GALNT18: variants seen among roughly 807,000 people sequenced by gnomAD.
GALNT18 encodes polypeptide N-acetylgalactosaminyltransferase 18, also known as GalNAc-transferase 18.
In GALNT18, 44 loss-of-function variants were observed where a neutral mutation model predicts 69.5. The observed-to-expected ratio is 0.63, with a 90% confidence interval of 0.50 to 0.81. The LOEUF (loss-of-function observed/expected upper bound fraction) is 0.81, where lower values mean the gene tolerates loss of function less well. Ranked by LOEUF, GALNT18 falls within the 40% of genes least tolerant of loss-of-function variation. The probability of loss-of-function intolerance (pLI) is 0.00; values close to 1 mark genes in which losing one functional copy is unlikely to be tolerated. For synonymous variants in GALNT18, 364 were observed against 318.2 expected, an observed-to-expected ratio of 1.14 and a Z score of -1.53; for missense variants, 715 against 810.0, an observed-to-expected ratio of 0.88 and a Z score of 1.42.
In GALNT18 at chr11:11,587,825, C is replaced by A. The variant is rs1287080568; in HGVS notation, c.235+33534G>T. Among the ~76,000 whole-genome samples, 2 of 151,778 alleles carry A rather than the reference C, an allele frequency of 1.3e-5. No individual in the cohort carries two copies. The highest frequency in any genetic ancestry group is 2.9e-5 in the Non-Finnish European group (2 of 67,966). ...AGCCCCCACCCTTTCATTTCATGAA[C>A]CTCTTCTATGGTCCAAAGAATAATA... On this transcript the variant is annotated intron_variant, in intron 1 of 10. Coordinates refer to ENST00000227756, the MANE Select transcript of GALNT18 (RefSeq NM_198516.3). This position sits in a 1 kb window ranked among gnomAD's most constrained non-coding sequence, Gnocchi z 4.4.
chr11:11,295,636 G>A (rs752443978), intron 9 of GALNT18, among the ~76,000 whole-genome samples: 4 of 152,064 alleles, frequency 2.6e-5, no homozygotes, highest in Non-Finnish European at 4.4e-5. Flanking sequence ...TCTCAGGGTG[G>A]AGGGAGGTGG....
chr11:11,458,438 T>G lies in GALNT18; in HGVS notation c.236-9502A>C, dbSNP rs551736152. On this transcript the variant is annotated intron_variant, in intron 1 of 10. Transcript: ENST00000227756. ...TTTCTTCCACTCCTGCAGTGCATTG[T>G]TGCATGCTTTATTTTGGGTTAAAAA... Among the ~76,000 whole-genome samples the G allele has an allele frequency of 9.1e-4, 139 of 152,368 alleles. 2 individuals are homozygous for G. Among genetic ancestry groups the G allele is most frequent in the South Asian group, 5.0e-3 (24 of 4,824 alleles).
chr11:11,449,467 C>T (rs115652167), intron 1 of GALNT18, among the ~76,000 whole-genome samples: 51 of 152,362 alleles, frequency 3.3e-4, no homozygotes, highest in African/African-American at 1.2e-3. Flanking sequence ...ACCTGGCTGT[C>T]AGCACCCCGG....
chr11:11,378,832 T>A (rs559233496), intron 4 of GALNT18, among the ~76,000 whole-genome samples: 1 of 152,268 alleles, frequency 6.6e-6, no homozygotes, highest in East Asian at 1.9e-4. Context: ...TCACATGTGA[T>A]GTCACCATGC....
At chr11:11,514,034 T>C (rs996814135) in intron 1 of GALNT18, among the ~76,000 whole-genome samples, 2 of 152,206 alleles carry the variant, frequency 1.3e-5, no homozygotes, top group African/African-American at 4.8e-5. Flanking sequence ...ACCCTGTTGC[T>C]GTGAGATGCC....
chr11:11,448,796 G>A lies in GALNT18; in HGVS notation c.376C>T (p.Leu126Phe). 6.2e-7 allele frequency: 1 copy of A among 1,612,998 alleles called. No homozygotes were observed. Among genetic ancestry groups the A allele is most frequent in the Non-Finnish European group, 8.5e-7 (1 of 1,179,824 alleles). The change falls in exon 2 of 11, where the codon CTC becomes TTC. Residue 126 changes from leucine (L) to phenylalanine (F), a missense_variant. Leu to Phe is a conservative substitution (Grantham distance 22, BLOSUM62 0). Transcript: ENST00000227756. ...CGGTCCAGGGGCAGGCGGTCGCTGAGGTAGGCGTTGTAGCCGTAGTACTGG... is the reference window on the plus strand; with the variant it reads ...CGGTCCAGGGGCAGGCGGTCGCTGAAGTAGGCGTTGTAGCCGTAGTACTGG... ...QFQYYGYNAY[L>F]SDRLPLDRPL...
intron 1 of GALNT18, among the ~76,000 whole-genome samples, chr11:11,585,395 GC>G (rs1161872545): frequency 7.8e-6 from 1 of 128,254 alleles, no homozygotes; most frequent in African/African-American, 2.9e-5. Flanking sequence ...TGCTCTTATT[GC>G]CCAGGCTGGA....
intron 1 of GALNT18, among the ~76,000 whole-genome samples, chr11:11,482,568 G>A (rs918639725): frequency 6.6e-6 from 1 of 152,228 alleles, no homozygotes; most frequent in Admixed American, 6.5e-5. Flanking sequence ...CAGAAGCCAT[G>A]AGGACAGTCA....
intron 10 of GALNT18, 40 bp downstream of exon 10, chr11:11,292,989 C>T: frequency 7.5e-7 from 1 of 1,338,774 alleles, no homozygotes; most frequent in South Asian, 2.5e-5. Flanking sequence ...CCTGGTTTTC[C>T]ACGATGGCTG....
intron 5 of GALNT18, among the ~76,000 whole-genome samples, chr11:11,375,596 G>C (rs533369616): frequency 5.1e-4 from 78 of 152,312 alleles, no homozygotes; most frequent in African/African-American, 1.8e-3. Context: ...AGCTTCTCTG[G>C]GTGGATCCTG....
At chr11:11,271,312 G>T (rs12282460) in intron 10 of GALNT18, 22 bp from the exon 11 acceptor site, 331,564 of 1,605,232 alleles carry the variant, frequency 0.21, 35,349 homozygotes, top group Admixed American at 0.25. Context: ...GGCAGACAGT[G>T]GGGTCAGAGG....
Position 11,381,241 on chromosome 11 carries a change from C to T in GALNT18, c.596-1977G>A, listed in dbSNP as rs183449187. ...TTCCAAGGTCCATTTCTCATATATC[C>T]TTTTTGAAAAATTTAAATAGAGCTC... On this transcript the variant is annotated intron_variant, in intron 3 of 10. Coordinates refer to ENST00000227756, the MANE Select transcript of GALNT18 (RefSeq NM_198516.3). Among the ~76,000 whole-genome samples the T allele has an allele frequency of 7.5e-3, 1,148 of 152,272 alleles. 14 individuals are homozygous for T. The highest frequency in any genetic ancestry group is 0.023 in the South Asian group (113 of 4,824).
intron 1 of GALNT18, among the ~76,000 whole-genome samples, chr11:11,599,043 T>A (rs1475232977): frequency 6.6e-6 from 1 of 152,134 alleles, no homozygotes; most frequent in Non-Finnish European, 1.5e-5. Flanking sequence ...TTTCCATATA[T>A]GCTTGAAAAA....
intron 10 of GALNT18, among the ~76,000 whole-genome samples, chr11:11,277,272 C>T (rs993058875): frequency 2.6e-5 from 4 of 152,166 alleles, no homozygotes; most frequent in Non-Finnish European, 5.9e-5. Flanking sequence ...TTATCCATTT[C>T]TTCTAGATTT....
At chr11:11,420,540 T>A (rs1194751656) in intron 3 of GALNT18, among the ~76,000 whole-genome samples, 1 of 152,200 alleles carries the variant, frequency 6.6e-6, no homozygotes, top group Non-Finnish European at 1.5e-5. Context: ...AAAGATTTAA[T>A]GTCAGTAGGG....
At chr11:11,408,865 C>T (rs1243637584) in intron 3 of GALNT18, among the ~76,000 whole-genome samples, 1 of 152,118 alleles carries the variant, frequency 6.6e-6, no homozygotes, top group Admixed American at 6.5e-5. Flanking sequence ...AAAGGAACCA[C>T]TTGATTTGGG....
At position 11,598,375 on chromosome 11, in the gene GALNT18, C is replaced by T. The variant is rs1370896815; in HGVS notation, c.235+22984G>A. On this transcript the variant is annotated intron_variant, in intron 1 of 10. Transcript: ENST00000227756. This position sits in a 1 kb window ranked among gnomAD's most constrained non-coding sequence, Gnocchi z 4.8. Reference sequence around the variant, plus strand: ...GTGTCAGCAGGGCTATACTTCTTTGCAGGCTCTAGAGGAGAATCTGTTCCT... The same window carrying T: ...GTGTCAGCAGGGCTATACTTCTTTGTAGGCTCTAGAGGAGAATCTGTTCCT... 1.3e-5 allele frequency among the ~76,000 whole-genome samples: 2 copies of T among 152,200 alleles called. No homozygotes were observed. Among genetic ancestry groups the T allele is most frequent in the African/African-American group, 2.4e-5 (1 of 41,456 alleles).
chr11:11,440,484 G>A (rs1855510990), intron 2 of GALNT18, among the ~76,000 whole-genome samples: 3 of 152,210 alleles, frequency 2.0e-5, no homozygotes, highest in South Asian at 2.1e-4. Flanking sequence ...TGATAGATCC[G>A]CAGGGCAAGG....
chr11:11,307,762 C>G (rs995060444), intron 9 of GALNT18, among the ~76,000 whole-genome samples: 1 of 152,148 alleles, frequency 6.6e-6, no homozygotes, highest in African/African-American at 2.4e-5. Flanking sequence ...CCCAAGGTCA[C>G]TACTCCCAGC....
Sources: allele counts gnomAD v4.1 joint callset (sites outside exome capture counted in the v4.1 genomes callset), GRCh38; gene constraint gnomAD v4.1.1; non-coding constraint Gnocchi (gnomAD v3.1); transcripts MANE v1.5; gene names NCBI Gene and HGNC (gene_info 2026-07-23, HGNC 2026-07-21).